The following RBMS3 variants were observed in gnomAD, a reference collection of about 807,000 sequenced individuals.
RBMS3 encodes RNA binding motif single stranded interacting protein 3.
A neutral mutation model predicts 66.8 loss-of-function variants in RBMS3; 27 were observed. The observed-to-expected ratio is 0.40, with a 90% CI of 0.30 to 0.56. The LOEUF is 0.56. Among genes scored for constraint, RBMS3 ranks in the 20% least tolerant of loss-of-function variants. RBMS3 has a pLI of 0.40. For missense variants in RBMS3, 513 were observed against 549.5 expected, an observed-to-expected ratio of 0.93 and a Z score of 0.66; for synonymous variants, 188 against 183.0, an observed-to-expected ratio of 1.03 and a Z score of -0.22.
At chr3:29,707,771 C>G (rs182000012) in intron 4 of RBMS3, among the ~76,000 whole-genome samples, 80 of 152,186 alleles carry the variant, frequency 5.3e-4, no homozygotes, top group African/African-American at 1.9e-3. Context: ...TCTTGCCAAA[C>G]GAGGGTAGGA....
intron 3 of RBMS3, among the ~76,000 whole-genome samples, chr3:29,536,483 T>G (rs538305545): frequency 6.6e-6 from 1 of 152,334 alleles, no homozygotes; most frequent in South Asian, 2.1e-4. Flanking sequence ...GTTATTGTTC[T>G]TTGTTCTGTT....
At chr3:29,937,282 C>T (rs2061291049) in intron 11 of RBMS3, among the ~76,000 whole-genome samples, 3 of 151,860 alleles carry the variant, frequency 2.0e-5, no homozygotes, top group Admixed American at 2.0e-4. Flanking sequence ...TATTTTTAAG[C>T]CTATATGTCT....
chr3:29,500,616 A>T (rs1353617302), intron 3 of RBMS3, among the ~76,000 whole-genome samples: 1 of 152,032 alleles, frequency 6.6e-6, no homozygotes, highest in African/African-American at 2.4e-5. Flanking sequence ...ACCATTGCCT[A>T]CAGTATTCAG....
At chr3:29,867,083 C>T (rs2059381420) in intron 6 of RBMS3, among the ~76,000 whole-genome samples, 1 of 152,134 alleles carries the variant, frequency 6.6e-6, no homozygotes, top group Admixed American at 6.6e-5. Flanking sequence ...CAAAATATGA[C>T]TCCCCCTTAG....
chr3:29,352,230 G>A (rs1377093598), intron 1 of RBMS3, among the ~76,000 whole-genome samples: 7 of 151,730 alleles, frequency 4.6e-5, no homozygotes, highest in South Asian at 4.1e-4. Context: ...TATTTTGTTC[G>A]TTTTTGCAAA....
intron 2 of RBMS3, among the ~76,000 whole-genome samples, chr3:29,484,608 G>T (rs181084251): frequency 2.6e-5 from 4 of 152,268 alleles, no homozygotes; most frequent in Admixed American, 2.6e-4. Flanking sequence ...TAACAATTAT[G>T]CATGACTTTG....
At chr3:29,380,210 TCTCA>T (rs1434619165) in intron 1 of RBMS3, among the ~76,000 whole-genome samples, 1 of 99,578 alleles carries the variant, frequency 1.0e-5, no homozygotes, top group African/African-American at 3.8e-5. Context: ...AGTAGGGGAA[TCTCA>T]CACACACACA....
At chr3:29,285,250 T>TGGG (rs2032214725) in intron 1 of RBMS3, among the ~76,000 whole-genome samples, 1 of 4,326 alleles carries the variant, frequency 2.3e-4, no homozygotes, top group Non-Finnish European at 4.7e-4. Context: ...GGGGTGGGGG[T>TGGG]GGTGGTGGGG....
Position 29,331,840 on chromosome 3 carries a change from T to C in RBMS3, c.75+50084T>C, listed in dbSNP as rs983168813. 1.5e-4 allele frequency among the ~76,000 whole-genome samples: 16 copies of C among 104,254 alleles called. No homozygotes were observed. The East Asian group carries it at 2.1e-3, about 14-fold the overall frequency. 68.4% of individuals were successfully genotyped at this position (104,254 alleles called of 152,430 possible). A position where few individuals can be genotyped will look rare whatever the true frequency, so the allele number is the denominator to read the frequency against. On this transcript the variant is annotated intron_variant, in intron 1 of 14. Transcript: ENST00000383767. ...CTTTTTTTTTTTTTTTTTTTTTTTT[T>C]CCGTTTGCTTTTCTCAAGTGCAACA... is the stretch of plus-strand genomic sequence containing the variant.
rs770898937 is a variant in RBMS3 at position 29,683,728 on chromosome 3, ACAGT to A, written c.400-55990_400-55987del. ...GCATTTTCGGAACTTGGGAACAGAG[ACAGT>A]CTGTCTGAACCCAGCTCAACTTTTC... On this transcript the variant is annotated intron_variant, in intron 4 of 14. Coordinates refer to ENST00000383767, the MANE Select transcript of RBMS3 (RefSeq NM_001003793.3). 5.3e-5 allele frequency among the ~76,000 whole-genome samples: 8 copies of A among 152,224 alleles called. No homozygotes were observed. The South Asian group carries it at 6.2e-4, about 12-fold the overall frequency.
At chr3:29,369,582 G>A (rs2038090592) in intron 1 of RBMS3, among the ~76,000 whole-genome samples, 1 of 150,824 alleles carries the variant, frequency 6.6e-6, no homozygotes, top group Admixed American at 6.6e-5. Flanking sequence ...AAAAAGTTCT[G>A]CTAATTAAGG....
intron 6 of RBMS3, among the ~76,000 whole-genome samples, chr3:29,805,824 G>C (rs2057529290): frequency 6.6e-6 from 1 of 151,974 alleles, no homozygotes; most frequent in East Asian, 1.9e-4. Context: ...TATTGTTAAA[G>C]AGAGAAAAAT....
intron 1 of RBMS3, among the ~76,000 whole-genome samples, chr3:29,384,180 G>A (rs571346918): frequency 2.0e-5 from 3 of 152,142 alleles, no homozygotes; most frequent in South Asian, 2.1e-4. Context: ...GCCAGGCATG[G>A]TGAGATGTGC....
At chr3:29,981,833 A>AT (rs1259004650) in intron 12 of RBMS3, among the ~76,000 whole-genome samples, 1 of 152,104 alleles carries the variant, frequency 6.6e-6, no homozygotes, top group Non-Finnish European at 1.5e-5. Context: ...GTTTGCCAGT[A>AT]TTTTATTGAG....
rs572710402 is a variant in RBMS3 at position 29,531,268 on chromosome 3, A to G, written c.307+42769A>G. Among the ~76,000 whole-genome samples, 26 of 152,366 alleles carry G rather than the reference A, an allele frequency of 1.7e-4. No homozygotes were observed. The East Asian group carries it at 4.6e-3, about 27-fold the overall frequency. ...CTTTGTATCAAACCAAGTGTACTGA[A>G]TCAGAATCTGCATTTTAACAAGATC... On this transcript the variant is annotated intron_variant, in intron 3 of 14. Transcript: ENST00000383767.
At chr3:29,903,181 A>T (rs913762580) in intron 10 of RBMS3, 3 of 151,230 alleles carry the variant, frequency 2.0e-5, no homozygotes, top group African/African-American at 7.3e-5. Flanking sequence ...CATGGATTAT[A>T]ATTCTGATGT....
chr3:29,330,056 C>T (rs1353177784), intron 1 of RBMS3, among the ~76,000 whole-genome samples: 1 of 152,024 alleles, frequency 6.6e-6, no homozygotes, highest in Non-Finnish European at 1.5e-5. Context: ...TACTCTATGA[C>T]ATCACTAGGG....
At chr3:29,817,192 C>CTTTTTTTTTTTTTTTTTT (rs373365962) in intron 6 of RBMS3, among the ~76,000 whole-genome samples, 2 of 127,224 alleles carry the variant, frequency 1.6e-5, no homozygotes, top group Non-Finnish European at 3.3e-5. Context: ...ATTTTCTTTT[C>CTTTTTTTTTTTTTTTTTT]TTTTTTTTTT....
At chr3:29,817,686 G>T (rs1171586747) in intron 6 of RBMS3, among the ~76,000 whole-genome samples, 2 of 151,892 alleles carry the variant, frequency 1.3e-5, no homozygotes, top group Non-Finnish European at 2.9e-5. Context: ...TAGAAAGTAG[G>T]TTTATTAATA....
Sources: allele counts gnomAD v4.1 joint callset (sites outside exome capture counted in the v4.1 genomes callset), GRCh38; gene constraint gnomAD v4.1.1; transcripts MANE v1.5; gene names NCBI Gene and HGNC (gene_info 2026-07-23, HGNC 2026-07-21).